The following IFT172 variants were observed in gnomAD, a reference collection of about 807,000 sequenced individuals.
IFT172 encodes the protein intraflagellar transport 172.
Under a neutral mutation model 248.9 loss-of-function variants are expected in IFT172, and 164 were observed. The observed-to-expected ratio is 0.66, with a 90% CI of 0.58 to 0.75. IFT172 has a LOEUF of 0.75. Among genes scored for constraint, IFT172 ranks in the 30% least tolerant of loss-of-function variants. The pLI is 0.00. For synonymous variants in IFT172, 729 were observed against 791.6 expected (o/e 0.92, Z 1.33); for missense variants, 1,950 against 2,192.4 (o/e 0.89, Z 2.21).
At chr2:27,463,002 CTG>C in intron 19 of IFT172, 93 bp downstream of exon 19, 3 of 1,429,766 alleles carry the variant, frequency 2.1e-6, no homozygotes, top group East Asian at 2.3e-5. Flanking sequence ...GTAAAGGAAA[CTG>C]GGGATGGCTG....
At chr2:27,488,478 A>T (rs1257499911) in intron 1 of IFT172, among the ~76,000 whole-genome samples, 3 of 152,018 alleles carry the variant, frequency 2.0e-5, no homozygotes, top group East Asian at 1.9e-4. Context: ...GAGGTCTTGG[A>T]ATCTTGGGCT....
At chr2:27,455,730 A>G in intron 30 of IFT172, 1 of 393,734 alleles carries the variant, frequency 2.5e-6, no homozygotes, top group Admixed American at 3.3e-5. Context: ...ACAAAAAAGA[A>G]AAATGGCAGA....
Position 27,461,270 on chromosome 2 carries a change from C to T in IFT172, c.2441G>A (p.Arg814Lys), listed in dbSNP as rs1363065401. Residue 814 changes from arginine (R) to lysine (K), a missense_variant and splice_region_variant, in exon 22 of 48, where the codon AGG (arginine) becomes AAG (lysine). Around this residue, in one of 3 missense-constraint regions of IFT172, gnomAD observed 1,166 missense variants for 1,254.1 expected, o/e 0.93. Transcript: ENST00000260570. ...AALIKGELYE[R>K]AGDLFEKIHN... The stretch of plus-strand genomic sequence containing the variant: ...GCTAGGAAAAGGAAGCCAGCATACC[C>T]TTTCGTAGAGTTCCCCCTTGATAAG... 2 of 1,614,082 alleles carry T rather than the reference C, an allele frequency of 1.2e-6. No individual in the cohort carries two copies. The highest frequency in any genetic ancestry group is 2.2e-5 in the South Asian group (2 of 91,082).
chr2:27,463,731 T>C (rs557408839), intron 18 of IFT172, among the ~76,000 whole-genome samples: 18 of 152,230 alleles, frequency 1.2e-4, no homozygotes, highest in Non-Finnish European at 2.2e-4. Context: ...GAGACCTGAA[T>C]ACAAGAAAAA....
intron 33 of IFT172, 117 bp from the exon 34 acceptor site, chr2:27,453,856 TC>T: frequency 7.2e-7 from 1 of 1,381,024 alleles, no homozygotes; most frequent in Non-Finnish European, 1.0e-6. Flanking sequence ...TCCTCCTCTT[TC>T]CTGTCTTCCC....
intron 22 of IFT172, 50 bp from the exon 23 acceptor site, chr2:27,461,143 A>G (rs947849038): frequency 6.2e-7 from 1 of 1,613,736 alleles, no homozygotes; most frequent in Non-Finnish European, 8.5e-7. Context: ...ACAAAGAACT[A>G]AGTATTAGCT....
chr2:27,485,755 T>C (rs1668725016), intron 1 of IFT172, among the ~76,000 whole-genome samples: 1 of 152,222 alleles, frequency 6.6e-6, no homozygotes, highest in Non-Finnish European at 1.5e-5. Flanking sequence ...ACTGTATCAA[T>C]GAATCCCTGC....
At chr2:27,488,164 T>C (rs1012863105) in intron 1 of IFT172, among the ~76,000 whole-genome samples, 2 of 151,984 alleles carry the variant, frequency 1.3e-5, no homozygotes, top group Admixed American at 1.3e-4. Context: ...AAAAAATTTT[T>C]TTTTTTTGGA....
At chr2:27,447,174 C>T (rs1357863668) in intron 42 of IFT172, among the ~76,000 whole-genome samples, 5 of 152,202 alleles carry the variant, frequency 3.3e-5, no homozygotes, top group Non-Finnish European at 5.9e-5. Flanking sequence ...CTTTCCACTT[C>T]TAGAATTCTA....
rs1669036706 is a variant in IFT172 at position 27,489,685 on chromosome 2, C to T, written c.-32G>A. On this transcript the variant is annotated 5_prime_UTR_variant, in exon 1 of 48. Transcript: ENST00000260570. ...CACCTGTCTTTCAGATGCTCCTAGA[C>T]AGCGACAACTCCCGTGGTTACCTGG... 1 of 1,584,590 alleles carries T rather than the reference C, an allele frequency of 6.3e-7. No individual in the cohort carries two copies. Among genetic ancestry groups the T allele is most frequent in the Admixed American group, 1.7e-5 (1 of 58,142 alleles).
chr2:27,462,716 C>G lies in IFT172; in HGVS notation c.2100G>C (p.Met700Ile). The part of the protein sequence containing the change: ...MLEKNYKLAE[M>I]IFLEQNAVEE... ...TTCCTATTACCTGTTCCAAAAAGATCATTTCAGCCAGTTTGTAGTTCTTTT... is the reference window on the plus strand; with the variant it reads ...TTCCTATTACCTGTTCCAAAAAGATGATTTCAGCCAGTTTGTAGTTCTTTT... The change falls in exon 20 of 48, where the codon ATG (methionine) becomes ATC (isoleucine). Residue 700 changes from methionine (M) to isoleucine (I), a missense_variant. Physicochemically the swap from Met to Ile is conservative, Grantham distance 10. Around this residue, in one of 3 missense-constraint regions of IFT172, gnomAD observed 1,166 missense variants for 1,254.1 expected, o/e 0.93. Coordinates refer to ENST00000260570, the MANE Select transcript of IFT172 (RefSeq NM_015662.3). 1.2e-6 allele frequency: 2 copies of G among 1,613,774 alleles called. No homozygotes were observed. Among genetic ancestry groups the G allele is most frequent in the Non-Finnish European group, 1.7e-6 (2 of 1,179,802 alleles).
At chr2:27,457,601 G>C (rs1385451712) in intron 29 of IFT172, 38 bp downstream of exon 29, 1 of 1,541,862 alleles carries the variant, frequency 6.5e-7, no homozygotes. Flanking sequence ...TGGGAAAGAA[G>C]GATGGATGTA....
chr2:27,459,558 G>A (rs977934034), intron 24 of IFT172, 36 bp from the exon 25 acceptor site: 2 of 1,611,206 alleles, frequency 1.2e-6, no homozygotes, highest in Non-Finnish European at 1.7e-6. Flanking sequence ...TATGTAGGAT[G>A]AAAGATGAAG....
At chr2:27,455,107 G>C in intron 30 of IFT172, 1 of 274,560 alleles carries the variant, frequency 3.6e-6, no homozygotes, top group South Asian at 3.6e-5. Flanking sequence ...ACTGATAACA[G>C]TAGCTTGAGA....
chr2:27,448,860 T>G (rs1365544864), intron 40 of IFT172, 55 bp downstream of exon 40: 1 of 859,840 alleles, frequency 1.2e-6, no homozygotes, highest in Non-Finnish European at 2.0e-6. Flanking sequence ...TAGGTGGTTC[T>G]AGAGGAGAAA....
chr2:27,481,484 G>C (rs1258082898), intron 7 of IFT172, among the ~76,000 whole-genome samples: 1 of 151,310 alleles, frequency 6.6e-6, no homozygotes, highest in Non-Finnish European at 1.5e-5. Flanking sequence ...TATACACATA[G>C]GGGTTGACCT....
In IFT172 at chr2:27,459,771, C is replaced by T; in HGVS notation, c.2580G>A (p.Trp860Ter). 2 of 1,613,014 alleles carry T rather than the reference C, an allele frequency of 1.2e-6. No individual in the cohort carries two copies. Among genetic ancestry groups the T allele is most frequent in the Non-Finnish European group, 1.7e-6 (2 of 1,180,044 alleles). Residue 860 changes from tryptophan (W) to a stop codon, truncating the protein, a stop_gained, in exon 24 of 48, where the codon TGG (tryptophan) becomes TGA (stop). Coordinates refer to ENST00000260570, the MANE Select transcript of IFT172 (RefSeq NM_015662.3). LOFTEE classifies it high-confidence loss of function. ...GCTTCTGCTGCACCAGGTGGTCCCC[C>T]CATGCCTCCTCTAGTTTCACCACCT... ...PVEVVKLEEAWGDHLVQQKQL... is the reference protein window; with the variant it reads ...PVEVVKLEEA
intron 35 of IFT172, 92 bp from the exon 36 acceptor site, chr2:27,450,188 G>T: frequency 3.1e-6 from 3 of 961,038 alleles, no homozygotes; most frequent in Non-Finnish European, 4.8e-6. Flanking sequence ...TTCTCCTCCA[G>T]ATGCCAACTT....
At position 27,459,586 on chromosome 2, in the gene IFT172, G is replaced by A. The variant is rs961434280; in HGVS notation, c.2643-64C>T. ...AGATGAAGATGAATGGAGGTAAAAG[G>A]ACCCTTTAAGCACACTTCAACCTAC... On this transcript the variant is annotated intron_variant, in intron 24 of 47. Coordinates refer to ENST00000260570, the MANE Select transcript of IFT172 (RefSeq NM_015662.3). The A allele has an allele frequency of 9.3e-6, 15 of 1,605,712 alleles. No homozygotes were observed. The Admixed American group carries it at 1.3e-4, about 14-fold the overall frequency.
Sources: allele counts gnomAD v4.1 joint callset (sites outside exome capture counted in the v4.1 genomes callset), GRCh38; gene constraint gnomAD v4.1.1; regional missense constraint gnomAD v4.1.1; transcripts MANE v1.5; gene names NCBI Gene and HGNC (gene_info 2026-07-23, HGNC 2026-07-21).